The following C10orf143 variants were observed in gnomAD, a reference collection of about 807,000 sequenced individuals.
The protein encoded by C10orf143 is uncharacterized protein C10orf143.
At chr10:130,052,744 G>A (rs58138314) in intron 3 of C10orf143, among the ~76,000 whole-genome samples, 33,934 of 152,210 alleles carry the variant, frequency 0.22, 3,904 homozygotes, top group Non-Finnish European at 0.25. Context: ...TAAGACTATC[G>A]GTCAACTAAT....
At chr10:130,107,363 T>C (rs141751714) in intron 1 of C10orf143, 11,832 of 1,084,488 alleles carry the variant, frequency 0.011, 99 homozygotes, top group Non-Finnish European at 0.015. Flanking sequence ...TGAAGAAGAA[T>C]TGGAGAGAAC....
intron 3 of C10orf143, among the ~76,000 whole-genome samples, chr10:130,075,377 G>A (rs903181452): frequency 1.3e-5 from 2 of 152,166 alleles, no homozygotes; most frequent in African/African-American, 4.8e-5. Context: ...CAGCACTCTG[G>A]AGTGCCAAGC....
intron 1 of C10orf143, among the ~76,000 whole-genome samples, chr10:130,097,379 G>A (rs1329536934): frequency 6.6e-6 from 1 of 151,948 alleles, no homozygotes; most frequent in Non-Finnish European, 1.5e-5. Flanking sequence ...TAGCAAGACT[G>A]TACCTCTACA....
intron 3 of C10orf143, among the ~76,000 whole-genome samples, chr10:130,075,956 G>T (rs1468270244): frequency 1.3e-5 from 2 of 149,792 alleles, no homozygotes; most frequent in African/African-American, 4.9e-5. Flanking sequence ...GGTAGTTTTT[G>T]TGTGTGTATG....
intron 1 of C10orf143, among the ~76,000 whole-genome samples, chr10:130,087,266 T>C (rs1373572434): frequency 1.3e-5 from 2 of 152,204 alleles, no homozygotes; most frequent in South Asian, 2.1e-4. Context: ...GCTGCTTACG[T>C]TGAACGAGAA....
intron 1 of C10orf143, among the ~76,000 whole-genome samples, chr10:130,092,674 T>C (rs1564966786): frequency 6.6e-6 from 1 of 151,936 alleles, no homozygotes; most frequent in Non-Finnish European, 1.5e-5. Flanking sequence ...AGGAGACCCA[T>C]CTCACCTGCA....
intron 1 of C10orf143, among the ~76,000 whole-genome samples, chr10:130,088,582 C>T (rs1208252098): frequency 6.6e-6 from 1 of 152,136 alleles, no homozygotes; most frequent in Non-Finnish European, 1.5e-5. Flanking sequence ...CTGGGTAATT[C>T]AGTCCTTAGG....
chr10:130,060,194 G>T (rs748107192), downstream of C10orf143, among the ~76,000 whole-genome samples: 1 of 152,060 alleles, frequency 6.6e-6, no homozygotes, highest in Non-Finnish European at 1.5e-5. Context: ...AAAAGTTTCT[G>T]CCAATGTTCG....
At chr10:130,080,557 G>A (rs1861189200) in intron 1 of C10orf143, among the ~76,000 whole-genome samples, 1 of 152,142 alleles carries the variant, frequency 6.6e-6, no homozygotes, top group Non-Finnish European at 1.5e-5. Context: ...TCAGAGGCAG[G>A]AGGACCTCTG....
intron 3 of C10orf143, among the ~76,000 whole-genome samples, chr10:130,048,648 C>T (rs1442998061): frequency 6.6e-6 from 1 of 152,220 alleles, no homozygotes; most frequent in Non-Finnish European, 1.5e-5. Context: ...TCCAGATACT[C>T]TGGTGCACCA....
At chr10:130,046,169 T>G (rs1590003189) in intron 3 of C10orf143, among the ~76,000 whole-genome samples, 1 of 121,344 alleles carries the variant, frequency 8.2e-6, no homozygotes, top group African/African-American at 3.2e-5. Flanking sequence ...GGGCGAGAGG[T>G]GCTAAGTGGG....
chr10:130,103,962 G>A (rs1483659178), intron 1 of C10orf143: 1 of 152,148 alleles, frequency 6.6e-6, no homozygotes, highest in Non-Finnish European at 1.5e-5. Flanking sequence ...GTTCTTTAGG[G>A]AGAAGAGTCT....
At chr10:130,091,930 C>T (rs1385689733) in intron 1 of C10orf143, among the ~76,000 whole-genome samples, 1 of 152,108 alleles carries the variant, frequency 6.6e-6, no homozygotes, top group Non-Finnish European at 1.5e-5. Context: ...AAGACCAAAC[C>T]TACATTTGAC....
chr10:130,054,837 A>G (rs1860777665), intron 3 of C10orf143, among the ~76,000 whole-genome samples: 1 of 152,244 alleles, frequency 6.6e-6, no homozygotes, highest in Non-Finnish European at 1.5e-5. Context: ...ACAGTAATAA[A>G]AATGGTATAG....
At chr10:130,085,168 A>C (rs1461324843) in intron 1 of C10orf143, among the ~76,000 whole-genome samples, 4 of 152,274 alleles carry the variant, frequency 2.6e-5, no homozygotes, top group Non-Finnish European at 5.9e-5. Flanking sequence ...GCAAGATCTA[A>C]TAATAGATGC....
chr10:130,094,414 A>C (rs1861432018), intron 1 of C10orf143, among the ~76,000 whole-genome samples: 4 of 152,196 alleles, frequency 2.6e-5, no homozygotes, highest in Admixed American at 2.6e-4. Flanking sequence ...TCTGGCAGAG[A>C]CACAACAAAA....
chr10:130,076,577 TATC>T (rs760363833), intron 3 of C10orf143, among the ~76,000 whole-genome samples: 7 of 152,082 alleles, frequency 4.6e-5, no homozygotes, highest in Non-Finnish European at 1.0e-4. Flanking sequence ...GCTGAGGAAA[TATC>T]ATCATATCTC....
chr10:130,093,714 T>C (rs1473393430), intron 1 of C10orf143, among the ~76,000 whole-genome samples: 2 of 151,622 alleles, frequency 1.3e-5, no homozygotes, highest in Non-Finnish European at 2.9e-5. Context: ...ACAGACACAA[T>C]AAAAAATGAT....
intron 1 of C10orf143, among the ~76,000 whole-genome samples, chr10:130,087,866 T>C (rs900497376): frequency 5.9e-5 from 9 of 152,138 alleles, no homozygotes; most frequent in African/African-American, 2.2e-4. Context: ...GGCTCTGCCA[T>C]GCTGGCAGCC....
Sources: gnomAD v4.1 joint callset for allele counts (sites outside exome capture counted in the v4.1 genomes callset) on GRCh38, gnomAD v4.1.1 for gene constraint, MANE v1.5 for transcripts, NCBI Gene and HGNC (gene_info 2026-07-23, HGNC 2026-07-21) for gene names.